Variants in BPI observed in about 807,000 individuals in gnomAD.
BPI encodes bactericidal permeability-increasing protein.
In BPI, 48 loss-of-function variants were observed where a neutral mutation model predicts 57.6. The ratio of observed to expected loss-of-function variants is 0.83; its 90% CI spans 0.66 to 1.06. The LOEUF is 1.06. Ranked by LOEUF, BPI falls within the 50% of genes least tolerant of loss-of-function variation. BPI has a pLI of 0.00. For missense variants in BPI, 651 were observed against 609.7 expected (o/e 1.07, Z -0.71); for synonymous variants, 237 against 238.2 (o/e 0.99, Z 0.05).
Position 38,323,885 on chromosome 20 carries a change from G to A in BPI, c.772G>A (p.Glu258Lys). 6.2e-7 allele frequency: 1 copy of A among 1,614,078 alleles called. No homozygotes were observed. The highest frequency in any genetic ancestry group is 8.5e-7 in the Non-Finnish European group (1 of 1,179,994). Residue 258 changes from glutamate to lysine, a missense_variant, in exon 8 of 15, where the codon GAG (glutamate) becomes AAG (lysine). Transcript: ENST00000642449. Reference sequence around the variant, plus strand: ...CTACCCCCAGGGGGAGTTTTACAGTGAGAACCACCACAATCCACCTCCCTT... The same window carrying A: ...CTACCCCCAGGGGGAGTTTTACAGTAAGAACCACCACAATCCACCTCCCTT... ...DVQMKGEFYS[E>K]NHHNPPPFAP...
chr20:38,311,610 T>A (rs984869356), intron 4 of BPI, among the ~76,000 whole-genome samples: 3 of 151,978 alleles, frequency 2.0e-5, no homozygotes, highest in African/African-American at 7.2e-5. Flanking sequence ...CCAGTGTGGC[T>A]AGTGTGCAGC....
At chr20:38,321,294 G>C (rs563482187) in intron 7 of BPI, among the ~76,000 whole-genome samples, 2 of 151,164 alleles carry the variant, frequency 1.3e-5, no homozygotes, top group Admixed American at 1.3e-4. Context: ...TGGGTGGATG[G>C]ATGGATGGAT....
intron 11 of BPI, among the ~76,000 whole-genome samples, chr20:38,330,707 T>G (rs1178084520): frequency 6.6e-6 from 1 of 152,188 alleles, no homozygotes; most frequent in South Asian, 2.1e-4. Context: ...GAGAATACCT[T>G]ATTCCCAATA....
intron 10 of BPI, 166 bp downstream of exon 10, chr20:38,326,598 G>A (rs2076714761): frequency 6.7e-6 from 5 of 749,136 alleles, no homozygotes; most frequent in African/African-American, 1.8e-5. Context: ...ACTCCTGGAG[G>A]TATTCATTCA....
At chr20:38,334,560 A>T in intron 13 of BPI, 67 bp downstream of exon 13, 1 of 1,491,568 alleles carries the variant, frequency 6.7e-7, no homozygotes, top group Non-Finnish European at 9.4e-7. Flanking sequence ...GATTACCCAC[A>T]GCCACCTGTT....
rs1442747348 is a variant in BPI at position 38,323,884 on chromosome 20, T to C, written c.771T>C (p.Ser257=). Reference sequence around the variant, plus strand: ...TCTACCCCCAGGGGGAGTTTTACAGTGAGAACCACCACAATCCACCTCCCT... The same window carrying C: ...TCTACCCCCAGGGGGAGTTTTACAGCGAGAACCACCACAATCCACCTCCCT... ...LDVQMKGEFY[S]ENHHNPPPFA... Residue 257 remains serine, a synonymous_variant, in exon 8 of 15, where the codon AGT becomes AGC. Coordinates refer to ENST00000642449, the MANE Select transcript of BPI (RefSeq NM_001725.3). The C allele has an allele frequency of 6.2e-7, 1 of 1,614,102 alleles. No individual in the cohort carries two copies. Among genetic ancestry groups the C allele is most frequent in the East Asian group, 2.2e-5 (1 of 44,890 alleles).
chr20:38,330,016 ACT>A (rs548983007), intron 11 of BPI, among the ~76,000 whole-genome samples: 15 of 152,138 alleles, frequency 9.9e-5, no homozygotes, highest in African/African-American at 3.4e-4. Context: ...CCTGGCCAAA[ACT>A]CTGCTTTATT....
intron 6 of BPI, among the ~76,000 whole-genome samples, 166 bp downstream of exon 6, chr20:38,318,642 AG>A (rs1342775197): frequency 1.3e-5 from 2 of 152,176 alleles, no homozygotes; most frequent in African/African-American, 4.8e-5. Context: ...CATTGGGTCA[AG>A]TCCTTGTGCT....
intron 3 of BPI, among the ~76,000 whole-genome samples, chr20:38,309,538 T>C (rs6024761): frequency 0.98 from 149,875 of 152,222 alleles, 73,990 homozygotes; most frequent in African/African-American, 1. Flanking sequence ...AGCAGAGGTG[T>C]AAAAAGGGAA....
At chr20:38,321,173 AT>A (rs2076682999) in intron 7 of BPI, among the ~76,000 whole-genome samples, 2 of 124,600 alleles carry the variant, frequency 1.6e-5, no homozygotes, top group African/African-American at 3.0e-5. Context: ...GGATGGATGG[AT>A]GGATGGATGG....
At chr20:38,324,955 G>T (rs2076705052) in intron 9 of BPI, 122 bp downstream of exon 9, 3 of 799,412 alleles carry the variant, frequency 3.8e-6, no homozygotes, top group Non-Finnish European at 6.3e-6. Context: ...AAACAACCCA[G>T]CATGAAAGGG....
chr20:38,317,780 C>G, intron 5 of BPI: 7 of 1,379,640 alleles, frequency 5.1e-6, no homozygotes, highest in Admixed American at 2.0e-5. Context: ...AAATAGAGGT[C>G]TAGATAAATG....
intron 2 of BPI, among the ~76,000 whole-genome samples, chr20:38,308,566 A>C (rs2122494199): frequency 6.6e-6 from 1 of 152,340 alleles, no homozygotes; most frequent in South Asian, 2.1e-4. Context: ...TTCTGTACAG[A>C]GCTTCCAGTG....
chr20:38,327,569 T>C lies in BPI; in HGVS notation c.1162-19T>C. 6.2e-7 allele frequency: 1 copy of C among 1,612,294 alleles called. No homozygotes were observed. The highest frequency in any genetic ancestry group is 8.5e-7 in the Non-Finnish European group (1 of 1,179,216). Reference sequence around the variant, plus strand: ...GTGCCTGGGTCAGGGCACTTCACCCTGGGTTGTTGTTTTGGCAGCACACAA... The same window carrying C: ...GTGCCTGGGTCAGGGCACTTCACCCCGGGTTGTTGTTTTGGCAGCACACAA... On this transcript the variant is annotated intron_variant, in intron 10 of 14. Coordinates refer to ENST00000642449, the MANE Select transcript of BPI (RefSeq NM_001725.3).
chr20:38,314,268 T>A (rs1600701604), intron 5 of BPI, among the ~76,000 whole-genome samples: 1 of 113,390 alleles, frequency 8.8e-6, no homozygotes, highest in African/African-American at 3.5e-5. Context: ...GATGGTGAGA[T>A]TGATGATGGT....
chr20:38,325,727 G>C lies in BPI; in HGVS notation c.994-538G>C, dbSNP rs73905600. ...TTTCTATACAGAGAAGCTCTGGTTGGGGGGAGAGGTGTGGCTGCTAGGGGT... is the reference window on the plus strand; with the variant it reads ...TTTCTATACAGAGAAGCTCTGGTTGCGGGGAGAGGTGTGGCTGCTAGGGGT... On this transcript the variant is annotated intron_variant, in intron 9 of 14. Transcript: ENST00000642449. 3.7e-3 allele frequency among the ~76,000 whole-genome samples: 565 copies of C among 152,258 alleles called. 3 individuals carry two copies. Among genetic ancestry groups the C allele is most frequent in the African/African-American group, 5.7e-3 (235 of 41,556 alleles).
In BPI at chr20:38,307,624, A is replaced by T. The variant is rs572225651; in HGVS notation, c.188A>T (p.Asp63Val). 1 of 1,612,248 alleles carries T rather than the reference A, an allele frequency of 6.2e-7. No individual in the cohort carries two copies. The highest frequency in any genetic ancestry group is 1.7e-4 in the Middle Eastern group (1 of 6,056). The change falls in exon 2 of 15, where the codon GAC (aspartate) becomes GTC (valine). Residue 63 changes from aspartate (D) to valine (V), a missense_variant. Physicochemically the swap from Asp to Val is radical, Grantham distance 152. Coordinates refer to ENST00000642449, the MANE Select transcript of BPI (RefSeq NM_001725.3). Reference protein sequence around the residue: ...QKELKRIKIPDYSDSFKIKHL... With the variant: ...QKELKRIKIPVYSDSFKIKHL... ...GAGCTGAAGAGGATCAAGATTCCTGACTACTCAGACAGCTTTAAGATCAAG... is the reference window on the plus strand; with the variant it reads ...GAGCTGAAGAGGATCAAGATTCCTGTCTACTCAGACAGCTTTAAGATCAAG...
chr20:38,331,135 C>A (rs765991731), intron 12 of BPI, 45 bp downstream of exon 12: 1 of 1,591,980 alleles, frequency 6.3e-7, no homozygotes, highest in Non-Finnish European at 8.6e-7. Context: ...TCTGACCTGG[C>A]GGCGGGGAGG....
intron 9 of BPI, among the ~76,000 whole-genome samples, chr20:38,325,866 C>A (rs1421909417): frequency 2.0e-5 from 3 of 152,124 alleles, no homozygotes; most frequent in African/African-American, 7.2e-5. Context: ...AAGAAGGTCA[C>A]AAAGGCCCTC....
Sources: gnomAD v4.1 joint callset for allele counts (sites outside exome capture counted in the v4.1 genomes callset) on GRCh38, gnomAD v4.1.1 for gene constraint, MANE v1.5 for transcripts, NCBI Gene and HGNC (gene_info 2026-07-23, HGNC 2026-07-21) for gene names.